The following CREBRF variants were observed in gnomAD, a reference collection of about 807,000 sequenced individuals.
CREBRF encodes the protein CREB3 regulatory factor.
In CREBRF, 5 loss-of-function variants were observed where a neutral mutation model predicts 66.1. That is an observed-to-expected ratio of 0.08 (90% CI 0.04 to 0.16). The LOEUF (loss-of-function observed/expected upper bound fraction) is 0.16. Among genes scored for constraint, CREBRF ranks in the 10% least tolerant of loss-of-function variants. The pLI, the probability that CREBRF is intolerant of heterozygous loss-of-function variation, is 1.00. For missense variants in CREBRF, 531 were observed against 744.9 expected, an observed-to-expected ratio of 0.71 and a Z score of 3.34; for synonymous variants, 229 against 264.4, an observed-to-expected ratio of 0.87 and a Z score of 1.30.
intron 1 of CREBRF, among the ~76,000 whole-genome samples, chr5:173,070,318 C>T (rs1581661006): frequency 6.6e-6 from 1 of 152,272 alleles, no homozygotes; most frequent in South Asian, 2.1e-4. Context: ...TTCTCACTTG[C>T]ACCACTGCCT....
At chr5:173,102,727 C>T (rs1320864414) in intron 4 of CREBRF, among the ~76,000 whole-genome samples, 1 of 152,040 alleles carries the variant, frequency 6.6e-6, no homozygotes. Flanking sequence ...TTGGGGCAGG[C>T]CTGTCAACTA....
At chr5:173,133,400 A>G (rs1034746507) in intron 8 of CREBRF, among the ~76,000 whole-genome samples, 2 of 152,226 alleles carry the variant, frequency 1.3e-5, no homozygotes, top group African/African-American at 2.4e-5. Flanking sequence ...ATGTTGGTTT[A>G]TGATTTTTCA....
At chr5:173,117,660 C>T (rs1188582920) in intron 7 of CREBRF, among the ~76,000 whole-genome samples, 5 of 127,670 alleles carry the variant, frequency 3.9e-5, no homozygotes, top group African/African-American at 1.4e-4. Context: ...CTCTCTCTCT[C>T]TCTCTTTCTT....
At chr5:173,100,383 T>G (rs1056313929) in intron 4 of CREBRF, among the ~76,000 whole-genome samples, 2 of 151,926 alleles carry the variant, frequency 1.3e-5, no homozygotes, top group Non-Finnish European at 2.9e-5. Context: ...TGAATATGAC[T>G]GTTCTTATTT....
At chr5:173,059,360 G>T (rs1352186323) in intron 1 of CREBRF, among the ~76,000 whole-genome samples, 1 of 146,464 alleles carries the variant, frequency 6.8e-6, no homozygotes, top group East Asian at 2.0e-4. Flanking sequence ...CGCCTCCCGG[G>T]TTCAAGCAAT....
chr5:173,105,864 C>T (rs1758735864), intron 4 of CREBRF, among the ~76,000 whole-genome samples: 3 of 151,462 alleles, frequency 2.0e-5, no homozygotes, highest in Admixed American at 6.6e-5. Flanking sequence ...CTGATCCGCC[C>T]GCCTCGGCCT....
intron 2 of CREBRF, 81 bp from the exon 3 acceptor site, chr5:173,086,420 G>A: frequency 1.7e-6 from 2 of 1,202,970 alleles, no homozygotes; most frequent in Non-Finnish European, 1.2e-6. Flanking sequence ...TACTTAGTGG[G>A]GGTGGGGTTG....
At chr5:173,129,652 G>A (rs1759363627) in intron 8 of CREBRF, among the ~76,000 whole-genome samples, 1 of 148,688 alleles carries the variant, frequency 6.7e-6, no homozygotes, top group Non-Finnish European at 1.5e-5. Flanking sequence ...TTTTGCCCAG[G>A]AGATGGAGGC....
rs753850212 is a variant in CREBRF at position 173,080,593 on chromosome 5, G to A, written c.-183G>A. On this transcript the variant is annotated 5_prime_UTR_variant, in exon 2 of 9. Coordinates refer to ENST00000296953, the MANE Select transcript of CREBRF (RefSeq NM_153607.3). ...TTTGTGTTGTTTGACAGACAGCATC[G>A]CACAGAATTATTTTAAAAAAAAGCA... is the stretch of plus-strand genomic sequence containing the variant. 1.2e-5 allele frequency: 7 copies of A among 581,686 alleles called. No homozygotes were observed. The highest frequency in any genetic ancestry group is 7.5e-5 in the African/African-American group (4 of 53,364). 36.0% of individuals were successfully genotyped at this position (581,686 alleles called of 1,614,324 possible). A position where few individuals can be genotyped will look rare whatever the true frequency, so the allele number is the denominator to read the frequency against.
intron 5 of CREBRF, 35 bp from the exon 6 acceptor site, chr5:173,110,487 T>G (rs1758846417): frequency 6.8e-7 from 1 of 1,478,146 alleles, no homozygotes; most frequent in South Asian, 1.1e-5. Context: ...TTAATTAAAG[T>G]GATCTGACTT....
intron 4 of CREBRF, among the ~76,000 whole-genome samples, chr5:173,093,430 G>A (rs915446807): frequency 2.0e-5 from 3 of 152,172 alleles, no homozygotes; most frequent in East Asian, 1.9e-4. Context: ...CTAAAATCAG[G>A]CTAATTAACA....
At chr5:173,108,431 G>A (rs1279317082) in intron 4 of CREBRF, among the ~76,000 whole-genome samples, 193 bp from the exon 5 acceptor site, 4 of 152,144 alleles carry the variant, frequency 2.6e-5, no homozygotes, top group East Asian at 1.9e-4. Context: ...TATTAATCTC[G>A]GAATGTTTTA....
Position 173,138,218 on chromosome 5 carries a change from G to A in CREBRF, c.*4473G>A, listed in dbSNP as rs904955081. 6.6e-6 allele frequency: 1 copy of A among 152,064 alleles called. No homozygotes were observed. Among genetic ancestry groups the A allele is most frequent in the Non-Finnish European group, 1.5e-5 (1 of 68,016 alleles). 9.4% of individuals were successfully genotyped at this position (152,064 alleles called of 1,614,324 possible). The stretch of plus-strand genomic sequence containing the variant: ...CTTAATAAGGGCATTATGAGAAGAC[G>A]ACTCCATGTTTTTTTAATACTTCAA... On this transcript the variant is annotated 3_prime_UTR_variant, in exon 9 of 9. Coordinates refer to ENST00000296953, the MANE Select transcript of CREBRF (RefSeq NM_153607.3).
intron 1 of CREBRF, among the ~76,000 whole-genome samples, chr5:173,063,462 G>A (rs534710428): frequency 8.5e-5 from 13 of 152,176 alleles, no homozygotes; most frequent in Admixed American, 2.0e-4. Context: ...CTGCCTCCTG[G>A]GTTCAAGCGA....
At chr5:173,069,342 T>C (rs1757533664) in intron 1 of CREBRF, among the ~76,000 whole-genome samples, 1 of 152,012 alleles carries the variant, frequency 6.6e-6, no homozygotes, top group Admixed American at 6.6e-5. Flanking sequence ...TTTTTAAATA[T>C]ATTTCTTTTT....
intron 2 of CREBRF, chr5:173,085,337 A>G: frequency 2.5e-6 from 3 of 1,213,744 alleles, no homozygotes; most frequent in South Asian, 2.5e-5. Flanking sequence ...AGAGATGTTC[A>G]TAGCAGCACA....
intron 1 of CREBRF, among the ~76,000 whole-genome samples, chr5:173,076,057 C>CAAAAAA (rs35215379): frequency 1.1e-5 from 1 of 92,580 alleles, no homozygotes; most frequent in Non-Finnish European, 2.1e-5. Context: ...CCCATCTCTA[C>CAAAAAA]AAAAAAAAAA....
At chr5:173,130,470 A>C (rs971486385) in intron 8 of CREBRF, among the ~76,000 whole-genome samples, 9 of 151,870 alleles carry the variant, frequency 5.9e-5, no homozygotes, top group Non-Finnish European at 1.2e-4. Flanking sequence ...TACGATGAAC[A>C]TATATGTTTC....
Position 173,139,228 on chromosome 5 carries a change from T to C in CREBRF, c.*5483T>C, listed in dbSNP as rs1370762470. 1 of 152,208 alleles carries C rather than the reference T, an allele frequency of 6.6e-6. No individual in the cohort carries two copies. The highest frequency in any genetic ancestry group is 2.4e-5 in the African/African-American group (1 of 41,448). The allele number at this position is 152,208 out of a possible 1,614,324, so 9.4% of individuals were successfully genotyped here. On this transcript the variant is annotated 3_prime_UTR_variant, in exon 9 of 9. Coordinates refer to ENST00000296953, the MANE Select transcript of CREBRF (RefSeq NM_153607.3). Reference sequence around the variant, plus strand: ...CTGAGCACTTCTAGTCAGATACAGATTCATCAGTGTATGCAACATCCTTTG... The same window carrying C: ...CTGAGCACTTCTAGTCAGATACAGACTCATCAGTGTATGCAACATCCTTTG...
Sources: allele counts gnomAD v4.1 joint callset (sites outside exome capture counted in the v4.1 genomes callset), GRCh38; gene constraint gnomAD v4.1.1; transcripts MANE v1.5; gene names NCBI Gene and HGNC (gene_info 2026-07-23, HGNC 2026-07-21).